CDH4: variants seen among roughly 807,000 people sequenced by gnomAD.
The protein encoded by CDH4 is cadherin 4, also known as cadherin-4.
In CDH4, 33 loss-of-function variants were observed where a neutral mutation model predicts 86.0. The ratio of observed to expected loss-of-function variants is 0.38; its 90% CI spans 0.29 to 0.51. CDH4 has a LOEUF of 0.51. Among genes scored for constraint, CDH4 ranks in the 20% least tolerant of loss-of-function variants. The pLI is 0.86. For missense variants in CDH4, 1,114 were observed against 1,307.4 expected (o/e 0.85, Z 2.28); for synonymous variants, 555 against 549.4 (o/e 1.01, Z -0.14).
At chr20:61,814,965 C>T (rs150691950) in intron 4 of CDH4, among the ~76,000 whole-genome samples, 1 of 152,262 alleles carries the variant, frequency 6.6e-6, no homozygotes, top group Non-Finnish European at 1.5e-5. Context: ...TTCTAGTGCC[C>T]GTGTAAGCAT....
chr20:61,574,708 C>G (rs1369929108), intron 2 of CDH4, among the ~76,000 whole-genome samples: 1 of 152,142 alleles, frequency 6.6e-6, no homozygotes, highest in East Asian at 1.9e-4. Context: ...AGTGCTCCGG[C>G]CTCTCCACAG....
At chr20:61,326,695 G>C (rs947730803) in intron 2 of CDH4, among the ~76,000 whole-genome samples, 2 of 152,172 alleles carry the variant, frequency 1.3e-5, no homozygotes, top group African/African-American at 4.8e-5. Context: ...TGAGTGTCGG[G>C]TGGTGAAATT....
chr20:61,395,428 A>G (rs111814188), intron 2 of CDH4, among the ~76,000 whole-genome samples: 1 of 152,302 alleles, frequency 6.6e-6, no homozygotes, highest in African/African-American at 2.4e-5. Context: ...TAATACGTAC[A>G]TGGCATTATT....
intron 4 of CDH4, among the ~76,000 whole-genome samples, chr20:61,844,087 A>G (rs1982310733): frequency 6.6e-6 from 1 of 152,218 alleles, no homozygotes; most frequent in Non-Finnish European, 1.5e-5. Context: ...ATCTTTGCTC[A>G]AAAACCAAAT....
intron 2 of CDH4, among the ~76,000 whole-genome samples, chr20:61,436,831 C>T (rs559652085): frequency 1.3e-5 from 2 of 152,314 alleles, no homozygotes; most frequent in Admixed American, 6.5e-5. Context: ...ACCCAGGGGC[C>T]AACAGTGAGT....
Position 61,937,096 on chromosome 20 carries a change from G to A in CDH4, c.*153G>A, listed in dbSNP as rs1032660783. On this transcript the variant is annotated 3_prime_UTR_variant, in exon 16 of 16. Transcript: ENST00000614565. ...ATCCCCACGTTGAGCTGTCTAGCATGAGCACCCACCCCCACAGCGCCCTGC... is the reference window on the plus strand; with the variant it reads ...ATCCCCACGTTGAGCTGTCTAGCATAAGCACCCACCCCCACAGCGCCCTGC... 3.6e-6 allele frequency: 2 copies of A among 556,564 alleles called. No homozygotes were observed. Among genetic ancestry groups the A allele is most frequent in the Non-Finnish European group, 5.8e-6 (2 of 342,238 alleles). The allele number at this position is 556,564 out of a possible 1,614,324, so 34.5% of individuals were successfully genotyped here.
At chr20:61,529,800 G>A (rs2085938448) in intron 2 of CDH4, among the ~76,000 whole-genome samples, 1 of 152,092 alleles carries the variant, frequency 6.6e-6, no homozygotes, top group African/African-American at 2.4e-5. Flanking sequence ...TGGAAGAGCT[G>A]TCTGATGGGT....
intron 2 of CDH4, among the ~76,000 whole-genome samples, chr20:61,415,422 C>A (rs542744770): frequency 6.6e-6 from 1 of 152,134 alleles, no homozygotes; most frequent in Non-Finnish European, 1.5e-5. Context: ...GTACAGTCAG[C>A]GGCATTAGGT....
intron 2 of CDH4, among the ~76,000 whole-genome samples, chr20:61,384,478 A>G (rs1184350574): frequency 6.6e-6 from 1 of 152,178 alleles, no homozygotes; most frequent in Non-Finnish European, 1.5e-5. Flanking sequence ...GCTGCTGTCC[A>G]TCTGGAAGCT....
At chr20:61,567,457 G>A (rs573599109) in intron 2 of CDH4, among the ~76,000 whole-genome samples, 40 of 152,304 alleles carry the variant, frequency 2.6e-4, no homozygotes, top group Non-Finnish European at 4.3e-4. Flanking sequence ...AGGGGAGAGG[G>A]ATCTCTCTGG....
At chr20:61,490,705 A>G (rs2085621334) in intron 2 of CDH4, among the ~76,000 whole-genome samples, 1 of 152,100 alleles carries the variant, frequency 6.6e-6, no homozygotes, top group African/African-American at 2.4e-5. Context: ...TCTCAAAAAA[A>G]AAAAGTTACA....
intron 9 of CDH4, among the ~76,000 whole-genome samples, chr20:61,911,097 C>T (rs1236607078): frequency 1.3e-5 from 2 of 152,176 alleles, no homozygotes; most frequent in African/African-American, 4.8e-5. Context: ...GTTTTTCTGT[C>T]CCAGAGACAG....
Position 61,623,626 on chromosome 20 carries a change from G to A in CDH4, c.170-119937G>A, listed in dbSNP as rs549030182. 6.6e-6 allele frequency among the ~76,000 whole-genome samples: 1 copy of A among 152,306 alleles called. No individual in the cohort carries two copies. Among genetic ancestry groups the A allele is most frequent in the South Asian group, 2.1e-4 (1 of 4,820 alleles). On this transcript the variant is annotated intron_variant, in intron 2 of 15. Coordinates refer to ENST00000614565, the MANE Select transcript of CDH4 (RefSeq NM_001794.5). The surrounding 1 kb of genome is among the most constrained non-coding windows in gnomAD (Gnocchi z 4.4). The stretch of plus-strand genomic sequence containing the variant: ...TCTACATGAGCATCATTCGTGCAAA[G>A]TGCATCACAGCTGATTCTGAGGGAG...
intron 2 of CDH4, among the ~76,000 whole-genome samples, chr20:61,265,181 C>T (rs532541113): frequency 2.3e-4 from 33 of 143,150 alleles, no homozygotes; most frequent in South Asian, 9.4e-4. Context: ...CTTACACATA[C>T]CTCAGTGGCT....
intron 7 of CDH4, 101 bp downstream of exon 7, chr20:61,874,001 G>A (rs1189458992): frequency 7.4e-5 from 92 of 1,243,612 alleles, no homozygotes; most frequent in Non-Finnish European, 5.9e-5. Flanking sequence ...CCGTCGGGGA[G>A]TGATCGACAG....
intron 6 of CDH4, among the ~76,000 whole-genome samples, chr20:61,869,749 G>A (rs1353843346): frequency 6.6e-6 from 1 of 152,236 alleles, no homozygotes; most frequent in Non-Finnish European, 1.5e-5. Context: ...TCACACAGCA[G>A]CAGGCCCCTT....
intron 2 of CDH4, among the ~76,000 whole-genome samples, chr20:61,481,631 G>T (rs1054227489): frequency 3.3e-5 from 5 of 152,194 alleles, no homozygotes; most frequent in Admixed American, 1.3e-4. Flanking sequence ...AGCAAAAAAT[G>T]ATATTTCACA....
rs1171638946 is a variant in CDH4, at chr20:61,392,077, G to A, written c.169+137140G>A. Among the ~76,000 whole-genome samples, 3 of 151,976 alleles carry A rather than the reference G, an allele frequency of 2.0e-5. No homozygotes were observed. Among genetic ancestry groups the A allele is most frequent in the Non-Finnish European group, 4.4e-5 (3 of 68,024 alleles). On this transcript the variant is annotated intron_variant, in intron 2 of 15. Coordinates refer to ENST00000614565, the MANE Select transcript of CDH4 (RefSeq NM_001794.5). The surrounding 1 kb of genome is among the most constrained non-coding windows in gnomAD (Gnocchi z 5.7). ...CGCTTGCCGTGGGTTTCAGCATCGC[G>A]GGGGCTGTGGAGAAAGGCCTAGAGA...
At chr20:61,575,258 G>A (rs755088168) in intron 2 of CDH4, among the ~76,000 whole-genome samples, 2 of 152,182 alleles carry the variant, frequency 1.3e-5, no homozygotes, top group African/African-American at 2.4e-5. Context: ...AGCTGGCAAC[G>A]ACAGGTCTAA....
Sources: allele counts gnomAD v4.1 joint callset (sites outside exome capture counted in the v4.1 genomes callset), GRCh38; gene constraint gnomAD v4.1.1; non-coding constraint Gnocchi (gnomAD v3.1); transcripts MANE v1.5; gene names NCBI Gene and HGNC (gene_info 2026-07-23, HGNC 2026-07-21).